DNAAF9: variants seen among roughly 807,000 people sequenced by gnomAD.
DNAAF9 encodes the protein shulin.
A neutral mutation model predicts 167.0 loss-of-function variants in DNAAF9; 90 were observed. The ratio of observed to expected loss-of-function variants is 0.54; its 90% confidence interval spans 0.45 to 0.64. DNAAF9 has a LOEUF of 0.64. Ranked by LOEUF, DNAAF9 falls within the 30% of genes least tolerant of loss-of-function variation. DNAAF9 has a pLI of 0.00. For missense variants in DNAAF9, 1,315 were observed against 1,442.2 expected (o/e 0.91, Z 1.43); for synonymous variants, 491 against 508.8 (o/e 0.96, Z 0.47).
intron 10 of DNAAF9, among the ~76,000 whole-genome samples, chr20:3,332,591 G>A (rs59838232): frequency 0.025 from 3,837 of 151,820 alleles, 71 homozygotes; most frequent in African/African-American, 0.04. Flanking sequence ...GCAGCTGGGA[G>A]TACAGGCACA....
chr20:3,328,850 A>C (rs1293680750), intron 12 of DNAAF9, among the ~76,000 whole-genome samples: 1 of 150,728 alleles, frequency 6.6e-6, no homozygotes, highest in Non-Finnish European at 1.5e-5. Flanking sequence ...ACACACGTAT[A>C]CACACACACA....
intron 33 of DNAAF9, among the ~76,000 whole-genome samples, chr20:3,257,536 A>G (rs1013906524): frequency 7.2e-5 from 11 of 152,036 alleles, no homozygotes; most frequent in African/African-American, 2.7e-4. Context: ...AGAAAGAAAT[A>G]AAAATATTTA....
At chr20:3,343,794 C>T in intron 8 of DNAAF9, 63 bp from the exon 9 acceptor site, 1 of 1,244,780 alleles carries the variant, frequency 8.0e-7, no homozygotes, top group Non-Finnish European at 1.2e-6. Flanking sequence ...CATAAAACCC[C>T]TCACATATGT....
chr20:3,334,144 C>A (rs1600805400), intron 10 of DNAAF9, among the ~76,000 whole-genome samples: 1 of 152,022 alleles, frequency 6.6e-6, no homozygotes, highest in South Asian at 2.1e-4. Context: ...ATAATCTTAC[C>A]CACAGCCTTG....
chr20:3,391,859 G>C (rs773121399), intron 1 of DNAAF9, among the ~76,000 whole-genome samples: 2 of 151,982 alleles, frequency 1.3e-5, no homozygotes, highest in Non-Finnish European at 2.9e-5. Flanking sequence ...GATTACAGGC[G>C]TGAGCCACCA....
At chr20:3,268,897 C>CTTTTTTGT (rs2068536899) in intron 30 of DNAAF9, among the ~76,000 whole-genome samples, 1 of 85,850 alleles carries the variant, frequency 1.2e-5, no homozygotes, top group Non-Finnish European at 2.1e-5. Context: ...CTCTATGTTA[C>CTTTTTTGT]TTTTTTTTTT....
chr20:3,349,211 A>C (rs1380743109), intron 7 of DNAAF9, among the ~76,000 whole-genome samples: 1 of 149,894 alleles, frequency 6.7e-6, no homozygotes, highest in Non-Finnish European at 1.5e-5. Context: ...AAACAAAAAA[A>C]AAAAAAACAC....
At chr20:3,297,890 C>T in intron 22 of DNAAF9, 139 bp downstream of exon 22, 1 of 683,842 alleles carries the variant, frequency 1.5e-6, no homozygotes. Context: ...GGATTAGAAG[C>T]AGTCACCCCA....
Position 3,321,033 on chromosome 20 carries a change from G to A in DNAAF9, c.1356+1184C>T, listed in dbSNP as rs76018161. 9.0e-3 allele frequency among the ~76,000 whole-genome samples: 1,369 copies of A among 152,290 alleles called. 19 individuals are homozygous for A. Among genetic ancestry groups the A allele is most frequent in the African/African-American group, 0.032 (1,315 of 41,552 alleles). On this transcript the variant is annotated intron_variant, in intron 16 of 36. Transcript: ENST00000252032. ...CTCAGCTTGTGGCTGAGAACAACTG[G>A]CCTAGAAACTCTGGCTCCCCTTCGC... is the stretch of plus-strand genomic sequence containing the variant.
Position 3,382,423 on chromosome 20 carries a change from T to C in DNAAF9, c.163+4A>G. On this transcript the variant is annotated splice_donor_region_variant and intron_variant, in intron 2 of 36. Transcript: ENST00000252032. The stretch of plus-strand genomic sequence containing the variant: ...CTGAGTCCCACCTTGTTAAAAGCAC[T>C]GACCTAGGATGCAGAGGATCCCATC... 6.2e-7 allele frequency: 1 copy of C among 1,611,306 alleles called. No individual in the cohort carries two copies.
intron 3 of DNAAF9, among the ~76,000 whole-genome samples, chr20:3,377,630 A>T (rs976196995): frequency 4.1e-5 from 6 of 146,582 alleles, no homozygotes; most frequent in South Asian, 2.2e-4. Context: ...GCTAATTTTT[A>T]TTTTTTTTTT....
chr20:3,340,459 C>A (rs775114618), intron 10 of DNAAF9, 45 bp downstream of exon 10: 2 of 1,152,778 alleles, frequency 1.7e-6, no homozygotes, highest in Non-Finnish European at 2.3e-6. Context: ...ACCCCCACAA[C>A]TTGATAATAA....
intron 13 of DNAAF9, 95 bp downstream of exon 13, chr20:3,326,102 T>C (rs2069706114): frequency 4.4e-6 from 4 of 903,164 alleles, no homozygotes; most frequent in Non-Finnish European, 7.1e-6. Context: ...CGCACAAAAG[T>C]GAGTACTACA....
Position 3,319,290 on chromosome 20 carries a change from G to C in DNAAF9, c.1357-890C>G, listed in dbSNP as rs796073499. Among the ~76,000 whole-genome samples, 144 of 74,466 alleles carry C rather than the reference G, an allele frequency of 1.9e-3. 2 individuals are homozygous for C. Among genetic ancestry groups the C allele is most frequent in the African/African-American group, 6.1e-3 (131 of 21,304 alleles). 48.9% of individuals were successfully genotyped at this position (74,466 alleles called of 152,430 possible). ...AAAAAAAAAAAAAAAAAAAAAAAAA[G>C]CAAGAAAGCTATCAAGCTTTTATGG... On this transcript the variant is annotated intron_variant, in intron 16 of 36. Transcript: ENST00000252032.
chr20:3,331,083 G>A (rs1310217668), intron 11 of DNAAF9, among the ~76,000 whole-genome samples: 1 of 152,052 alleles, frequency 6.6e-6, no homozygotes, highest in East Asian at 1.9e-4. Flanking sequence ...GAGCCACCAT[G>A]CCCAGCCTAC....
intron 29 of DNAAF9, among the ~76,000 whole-genome samples, chr20:3,278,217 G>A (rs76082558): frequency 0.044 from 6,730 of 152,136 alleles, 223 homozygotes; most frequent in African/African-American, 0.094. Flanking sequence ...AAGGAAATGC[G>A]GAAAATTCCA....
intron 26 of DNAAF9, among the ~76,000 whole-genome samples, chr20:3,288,936 A>G (rs1386826576): frequency 1.3e-5 from 2 of 151,422 alleles, no homozygotes; most frequent in South Asian, 4.2e-4. Flanking sequence ...AGCCCTCTAC[A>G]TTTGCTTGAC....
At chr20:3,341,461 C>T (rs2070084005) in intron 9 of DNAAF9, among the ~76,000 whole-genome samples, 2 of 152,292 alleles carry the variant, frequency 1.3e-5, no homozygotes, top group Non-Finnish European at 2.9e-5. Context: ...CAGCTTGCTG[C>T]TCCCTCCTCT....
At chr20:3,256,348 C>T (rs1218982840) in intron 33 of DNAAF9, 137 bp from the exon 34 acceptor site, 2 of 680,004 alleles carry the variant, frequency 2.9e-6, no homozygotes, top group South Asian at 3.6e-5. Flanking sequence ...CTGGTGGCAG[C>T]TTAGAAAGGA....
Sources: allele counts gnomAD v4.1 joint callset (sites outside exome capture counted in the v4.1 genomes callset), GRCh38; gene constraint gnomAD v4.1.1; transcripts MANE v1.5; gene names NCBI Gene and HGNC (gene_info 2026-07-23, HGNC 2026-07-21).